Variants in PHKB observed in about 807,000 individuals in gnomAD.
The protein encoded by PHKB is phosphorylase b kinase regulatory subunit beta.
Under a neutral mutation model 152.1 loss-of-function variants are expected in PHKB, and 122 were observed. That is an observed-to-expected ratio of 0.80 (90% CI 0.69 to 0.93). The LOEUF (loss-of-function observed/expected upper bound fraction) is 0.93, where lower values mean the gene tolerates loss of function less well. Ranked by LOEUF, PHKB falls within the 40% of genes least tolerant of loss-of-function variation. The pLI is 0.00. For synonymous variants in PHKB, 436 were observed against 464.9 expected (o/e 0.94, Z 0.80); for missense variants, 1,304 against 1,328.4 (o/e 0.98, Z 0.29).
At chr16:47,636,166 T>G (rs1972916561) in intron 14 of PHKB, among the ~76,000 whole-genome samples, 1 of 152,190 alleles carries the variant, frequency 6.6e-6, no homozygotes, top group Admixed American at 6.5e-5. Flanking sequence ...TCTATTAACT[T>G]TGGAAATAGC....
chr16:47,676,139 T>C (rs894144925), intron 26 of PHKB: 3 of 152,218 alleles, frequency 2.0e-5, no homozygotes, highest in African/African-American at 7.2e-5. Flanking sequence ...TTAGTTTGCT[T>C]AAAATTGGTG....
At chr16:47,462,633 C>CAA (rs553908834) in intron 1 of PHKB, 5 of 122,832 alleles carry the variant, frequency 4.1e-5, no homozygotes, top group Non-Finnish European at 5.2e-5. Flanking sequence ...GACTCCGTCT[C>CAA]AAAAAAAAAA....
intron 7 of PHKB, among the ~76,000 whole-genome samples, chr16:47,563,198 TC>T (rs1229072236): frequency 6.6e-6 from 1 of 151,194 alleles, no homozygotes; most frequent in African/African-American, 2.4e-5. Context: ...CATTTTGACT[TC>T]CTCTCATGAA....
intron 7 of PHKB, among the ~76,000 whole-genome samples, chr16:47,577,480 T>G (rs1448889337): frequency 6.6e-6 from 1 of 152,166 alleles, no homozygotes; most frequent in African/African-American, 2.4e-5. Context: ...TATATGTTTT[T>G]TCCTCTTTTT....
At chr16:47,681,653 C>A (rs956091276) in intron 26 of PHKB, among the ~76,000 whole-genome samples, 4 of 152,018 alleles carry the variant, frequency 2.6e-5, no homozygotes, top group Admixed American at 6.6e-5. Context: ...TTATTTTGAG[C>A]CTATGTGTGT....
At chr16:47,692,256 G>A (rs1190269207) in intron 27 of PHKB, among the ~76,000 whole-genome samples, 1 of 152,168 alleles carries the variant, frequency 6.6e-6, no homozygotes, top group East Asian at 1.9e-4. Flanking sequence ...TGTTGGTCAT[G>A]ACATATTTCC....
chr16:47,488,100 G>T (rs773768351), intron 1 of PHKB, among the ~76,000 whole-genome samples: 43 of 152,080 alleles, frequency 2.8e-4, no homozygotes, highest in Non-Finnish European at 5.4e-4. Flanking sequence ...GCCAGCATCT[G>T]TTATTTTTTT....
chr16:47,582,792 T>C (rs1188428098), intron 8 of PHKB, among the ~76,000 whole-genome samples: 1 of 151,916 alleles, frequency 6.6e-6, no homozygotes, highest in Non-Finnish European at 1.5e-5. Context: ...TAATGTCTTC[T>C]TTCTTTCTTT....
At chr16:47,515,793 C>T (rs1032685515) in intron 6 of PHKB, among the ~76,000 whole-genome samples, 192 bp downstream of exon 6, 3 of 152,014 alleles carry the variant, frequency 2.0e-5, no homozygotes, top group Non-Finnish European at 4.4e-5. Flanking sequence ...TTAAAATGAA[C>T]ACAATGTGTA....
intron 6 of PHKB, among the ~76,000 whole-genome samples, chr16:47,543,272 GTCTTTGGT>G: frequency 1.3e-5 from 2 of 152,152 alleles, no homozygotes; most frequent in Non-Finnish European, 2.9e-5. Flanking sequence ...TGTGGTTTTT[GTCTTTGGT>G]TCTGTTTATG....
intron 6 of PHKB, among the ~76,000 whole-genome samples, chr16:47,525,361 AACT>A (rs768466039): frequency 7.9e-5 from 12 of 152,232 alleles, no homozygotes; most frequent in African/African-American, 2.7e-4. Flanking sequence ...TTAAAAAGAT[AACT>A]ACTTTCTATC....
intron 12 of PHKB, 48 bp from the exon 13 acceptor site, chr16:47,596,325 C>G (rs762380758): frequency 1.5e-6 from 2 of 1,290,374 alleles, no homozygotes; most frequent in South Asian, 1.2e-5. Context: ...TGAGAATGGA[C>G]TAATACAGAT....
chr16:47,696,255 C>G (rs1302385765), intron 28 of PHKB, 126 bp from the exon 29 acceptor site: 1 of 708,314 alleles, frequency 1.4e-6, no homozygotes, highest in African/African-American at 1.8e-5. Context: ...AGTTGTGTAG[C>G]TGAAAATGTT....
intron 3 of PHKB, among the ~76,000 whole-genome samples, chr16:47,502,517 C>T (rs1970340197): frequency 6.6e-6 from 1 of 152,156 alleles, no homozygotes; most frequent in African/African-American, 2.4e-5. Flanking sequence ...TGACTAAATG[C>T]CTGCTCTGAT....
chr16:47,644,870 A>G (rs993603171), intron 16 of PHKB, among the ~76,000 whole-genome samples: 2 of 152,162 alleles, frequency 1.3e-5, no homozygotes, highest in Non-Finnish European at 2.9e-5. Flanking sequence ...TGCTTGTGAA[A>G]TTTTCTAGTA....
At chr16:47,544,784 C>T (rs1402444835) in intron 6 of PHKB, among the ~76,000 whole-genome samples, 1 of 152,160 alleles carries the variant, frequency 6.6e-6, no homozygotes, top group African/African-American at 2.4e-5. Context: ...GTATTGGGTG[C>T]ACATATCATA....
chr16:47,552,953 G>A (rs1971300476), intron 7 of PHKB, among the ~76,000 whole-genome samples: 1 of 152,056 alleles, frequency 6.6e-6, no homozygotes, highest in South Asian at 2.1e-4. Flanking sequence ...CTTTCTCTCT[G>A]GCTGCCCTTA....
Position 47,650,817 on chromosome 16 carries a change from T to G in PHKB, c.1881-14T>G. On this transcript the variant is annotated splice_polypyrimidine_tract_variant and intron_variant, in intron 19 of 30. Transcript: ENST00000323584. ...GTTGTTAATCTGTACATTTTGTTTA[T>G]TTATATTTTTTAGAGGTAGCCGGTT... 1 of 1,589,254 alleles carries G rather than the reference T, an allele frequency of 6.3e-7. No individual in the cohort carries two copies. Among genetic ancestry groups the G allele is most frequent in the Non-Finnish European group, 8.6e-7 (1 of 1,157,728 alleles).
At chr16:47,694,102 CA>C (rs1328423649) in intron 28 of PHKB, among the ~76,000 whole-genome samples, 7 of 152,192 alleles carry the variant, frequency 4.6e-5, no homozygotes, top group Admixed American at 1.3e-4. Flanking sequence ...GTGGAAAATG[CA>C]GTAACTTTTT....
Sources: allele counts gnomAD v4.1 joint callset (sites outside exome capture counted in the v4.1 genomes callset), GRCh38; gene constraint gnomAD v4.1.1; transcripts MANE v1.5; gene names NCBI Gene and HGNC (gene_info 2026-07-23, HGNC 2026-07-21).